The following RSL1D1 variants were observed in gnomAD, a reference collection of about 807,000 sequenced individuals.
The protein encoded by RSL1D1 is ribosomal L1 domain-containing protein 1.
In RSL1D1, 34 loss-of-function variants were observed where a neutral mutation model predicts 44.6. The observed-to-expected ratio is 0.76, with a 90% CI of 0.58 to 1.02. The LOEUF (loss-of-function observed/expected upper bound fraction) is 1.02, where lower values mean the gene tolerates loss of function less well. Ranked by LOEUF, RSL1D1 falls within the 50% of genes least tolerant of loss-of-function variation. RSL1D1 has a pLI of 0.00. For synonymous variants in RSL1D1, 271 were observed against 207.4 expected, an observed-to-expected ratio of 1.31 and a Z score of -2.63; for missense variants, 767 against 568.1, an observed-to-expected ratio of 1.35 and a Z score of -3.56.
intron 3 of RSL1D1, among the ~76,000 whole-genome samples, chr16:11,847,098 T>C (rs2141254688): frequency 6.6e-6 from 1 of 152,290 alleles, no homozygotes; most frequent in East Asian, 1.9e-4. Context: ...ATACATATGT[T>C]GCTGTATGTG....
intron 8 of RSL1D1, 86 bp from the exon 9 acceptor site, chr16:11,838,199 T>G: frequency 8.6e-7 from 1 of 1,158,566 alleles, no homozygotes; most frequent in South Asian, 1.6e-5. Flanking sequence ...TTATTTGTAT[T>G]TATTTATTTT....
chr16:11,838,856 C>T (rs1372939934), intron 8 of RSL1D1, among the ~76,000 whole-genome samples: 3 of 82,318 alleles, frequency 3.6e-5, no homozygotes, highest in Non-Finnish European at 8.0e-5. Flanking sequence ...GACCTTGTCT[C>T]AAAAAAAAAA....
intron 4 of RSL1D1, 37 bp downstream of exon 4, chr16:11,846,658 C>T: frequency 6.2e-7 from 1 of 1,612,102 alleles, no homozygotes; most frequent in Non-Finnish European, 8.5e-7. Flanking sequence ...CTAGAAGCTT[C>T]ATGCTGCTAA....
In RSL1D1 at chr16:11,846,861, G is replaced by C. The variant is rs1484650263; in HGVS notation, c.385-18C>G. ...GAGATAATCTAGGAAGTATAGAGAAGAATAAAAACAAGAAGTTAGGAATCT... is the reference window on the plus strand; with the variant it reads ...GAGATAATCTAGGAAGTATAGAGAACAATAAAAACAAGAAGTTAGGAATCT... On this transcript the variant is annotated intron_variant, in intron 3 of 8. Transcript: ENST00000571133. The C allele has an allele frequency of 1.3e-6, 2 of 1,570,040 alleles. No individual in the cohort carries two copies. The highest frequency in any genetic ancestry group is 2.2e-5 in the East Asian group (1 of 44,562).
At chr16:11,841,551 C>T (rs2053763774) in intron 7 of RSL1D1, 144 bp downstream of exon 7, 1 of 684,676 alleles carries the variant, frequency 1.5e-6, no homozygotes, top group Non-Finnish European at 2.4e-6. Flanking sequence ...CCCATTTTAC[C>T]TCATGTAAAG....
rs1338441812 is a variant in RSL1D1, at chr16:11,851,418, T to A, written c.95A>T (p.Asp32Val). ...CCAGGAACCACTCACCTGTTCTTTATCCAGCTGCTTCCGTGCTGTCGGGGC... is the reference window on the plus strand; with the variant it reads ...CCAGGAACCACTCACCTGTTCTTTAACCAGCTGCTTCCGTGCTGTCGGGGC... ...PAAPTARKQLDKEQVRKAVDA... is the reference protein window; with the variant it reads ...PAAPTARKQLVKEQVRKAVDA... The change falls in exon 1 of 9, where the codon GAT becomes GTT. Residue 32 changes from aspartate to valine, a missense_variant. By Grantham distance (152) the Asp-to-Val change is radical. Coordinates refer to ENST00000571133, the MANE Select transcript of RSL1D1 (RefSeq NM_015659.3). The A allele has an allele frequency of 1.2e-6, 2 of 1,613,972 alleles. No individual in the cohort carries two copies. Among genetic ancestry groups the A allele is most frequent in the Admixed American group, 3.3e-5 (2 of 60,004 alleles).
At chr16:11,842,347 A>G (rs1319903903) in intron 5 of RSL1D1, among the ~76,000 whole-genome samples, 1 of 148,684 alleles carries the variant, frequency 6.7e-6, no homozygotes, top group Non-Finnish European at 1.5e-5. Context: ...AAAACAAAAC[A>G]AAAAAACAAA....
At chr16:11,850,825 G>C (rs368146827) in intron 1 of RSL1D1, among the ~76,000 whole-genome samples, 1 of 152,208 alleles carries the variant, frequency 6.6e-6, no homozygotes, top group African/African-American at 2.4e-5. Flanking sequence ...GAGTAGCTGA[G>C]ATTACAGGCG....
At chr16:11,850,254 G>A (rs748131893) in intron 2 of RSL1D1, 25 bp downstream of exon 2, 4 of 1,555,894 alleles carry the variant, frequency 2.6e-6, no homozygotes, top group Non-Finnish European at 3.5e-6. Flanking sequence ...GATAAAAACA[G>A]CAAAGGTAGA....
At position 11,850,954 on chromosome 16, in the gene RSL1D1, T is replaced by G. The variant is rs1323052446; in HGVS notation, c.105+454A>C. The G allele has an allele frequency of 9.3e-6, 2 of 215,298 alleles. 1 individual carries two copies. The highest frequency in any genetic ancestry group is 1.9e-5 in the Non-Finnish European group (2 of 105,560). 13.3% of individuals were successfully genotyped at this position (215,298 alleles called of 1,614,324 possible). A position where few individuals can be genotyped will look rare whatever the true frequency, so the allele number is the denominator to read the frequency against. Reference sequence around the variant, plus strand: ...ATCCACCCGCCTCGGCCTCCAAAAGTGCTGGGATTACAGGCGTGAGCCACC... The same window carrying G: ...ATCCACCCGCCTCGGCCTCCAAAAGGGCTGGGATTACAGGCGTGAGCCACC... On this transcript the variant is annotated intron_variant, in intron 1 of 8. Transcript: ENST00000571133.
Position 11,846,601 on chromosome 16 carries a change from C to T in RSL1D1, c.535G>A (p.Val179Ile). The change falls in exon 5 of 9, where the codon GTT becomes ATT. Residue 179 changes from valine to isoleucine, a missense_variant and splice_region_variant. Val to Ile is a conservative substitution (Grantham distance 29). Transcript: ENST00000571133. The part of the protein sequence containing the change: ...IGRHFYQRKK[V>I]PVSVNLLSKN... ...GACAGAAGGTTTACAGATACTGGAA[C>T]TCTACAAAATAAACACACAGGCATT... 1 of 1,609,114 alleles carries T rather than the reference C, an allele frequency of 6.2e-7. No homozygotes were observed. Among genetic ancestry groups the T allele is most frequent in the Non-Finnish European group, 8.5e-7 (1 of 1,176,078 alleles).
In RSL1D1 at chr16:11,836,043, A is replaced by T. The variant is rs1013450524; in HGVS notation, c.*1744T>A. ...GATCGACTGTAACTTGAGTTAAAAG[A>T]ACCTGCTCTCCATCATCTCAAGTAG... On this transcript the variant is annotated 3_prime_UTR_variant, in exon 9 of 9. Transcript: ENST00000571133. The T allele has an allele frequency of 2.6e-5, 4 of 152,180 alleles. No individual in the cohort carries two copies. The highest frequency in any genetic ancestry group is 9.6e-5 in the African/African-American group (4 of 41,452). The allele number at this position is 152,180 out of a possible 1,614,324, so 9.4% of individuals were successfully genotyped here.
At chr16:11,841,859 T>C in intron 6 of RSL1D1, 39 bp from the exon 7 acceptor site, 1 of 1,612,074 alleles carries the variant, frequency 6.2e-7, no homozygotes, top group Middle Eastern at 1.7e-4. Context: ...TACATATACT[T>C]TGTTTCTTTT....
At position 11,839,860 on chromosome 16, in the gene RSL1D1, A is replaced by G; in HGVS notation, c.981T>C (p.Asp327=). Residue 327 remains aspartate (D), a synonymous_variant, in exon 8 of 9, where the codon GAT becomes GAC. Coordinates refer to ENST00000571133, the MANE Select transcript of RSL1D1 (RefSeq NM_015659.3). The stretch of plus-strand genomic sequence containing the variant: ...TTGATTCAGGTTTCTTCACTGTAGT[A>G]TCACCACTTTCAGGTGCCACATCAT... ...SKDDVAPESG[D]TTVKKPESKK... 6.2e-7 allele frequency: 1 copy of G among 1,614,142 alleles called. No individual in the cohort carries two copies. The highest frequency in any genetic ancestry group is 8.5e-7 in the Non-Finnish European group (1 of 1,180,036).
chr16:11,839,287 A>C (rs1376844268), intron 8 of RSL1D1, among the ~76,000 whole-genome samples: 2 of 151,048 alleles, frequency 1.3e-5, no homozygotes, highest in African/African-American at 2.4e-5. Context: ...AATTGCTTGA[A>C]CCAGGGAGGC....
chr16:11,839,570 A>C (rs2053749035), intron 8 of RSL1D1, 125 bp downstream of exon 8: 1 of 1,329,334 alleles, frequency 7.5e-7, no homozygotes, highest in African/African-American at 1.5e-5. Context: ...ATGATATGAT[A>C]ACCACCTTCA....
At chr16:11,847,844 T>TTACA (rs1171677943) in intron 2 of RSL1D1, 38 bp from the exon 3 acceptor site, 1 of 1,595,296 alleles carries the variant, frequency 6.3e-7, no homozygotes, top group African/African-American at 1.3e-5. Flanking sequence ...GAAAGCATTA[T>TTACA]TACACACATT....
At chr16:11,850,212 C>G in intron 2 of RSL1D1, 67 bp downstream of exon 2, 1 of 1,419,812 alleles carries the variant, frequency 7.0e-7, no homozygotes, top group Non-Finnish European at 9.4e-7. Flanking sequence ...AACCATGATG[C>G]AATTGTTCGA....
At chr16:11,849,318 G>A (rs2053819804) in intron 2 of RSL1D1, 1 of 151,494 alleles carries the variant, frequency 6.6e-6, no homozygotes, top group Non-Finnish European at 1.5e-5. Flanking sequence ...GGTCAGGGAG[G>A]TTGAGGTTGC....
Sources: gnomAD v4.1 joint callset for allele counts (sites outside exome capture counted in the v4.1 genomes callset) on GRCh38, gnomAD v4.1.1 for gene constraint, MANE v1.5 for transcripts, NCBI Gene and HGNC (gene_info 2026-07-23, HGNC 2026-07-21) for gene names.